Variants in COL26A1 observed in about 807,000 individuals in gnomAD.
COL26A1 encodes collagen type XXVI alpha 1 chain.
Under a neutral mutation model 59.3 loss-of-function variants are expected in COL26A1, and 41 were observed. The ratio of observed to expected loss-of-function variants is 0.69; its 90% CI spans 0.54 to 0.90. The LOEUF is 0.90. COL26A1 is among the 40% of genes least tolerant of loss of function. The pLI is 0.00. For synonymous variants in COL26A1, 266 were observed against 256.0 expected (o/e 1.04, Z -0.37); for missense variants, 612 against 602.3 (o/e 1.02, Z -0.17).
At chr7:101,541,985 G>T (rs1219010022) in intron 5 of COL26A1, among the ~76,000 whole-genome samples, 4 of 145,496 alleles carry the variant, frequency 2.7e-5, no homozygotes, top group Non-Finnish European at 3.0e-5. Context: ...TTTTTTTTTT[G>T]ACATGGAGTC....
chr7:101,377,578 T>C (rs9986785), intron 1 of COL26A1, among the ~76,000 whole-genome samples: 119,481 of 151,992 alleles, frequency 0.79, 47,327 homozygotes, highest in Admixed American at 0.83. Context: ...AGGCATGCAC[T>C]ACCATGCCTG....
At position 101,386,273 on chromosome 7, in the gene COL26A1, T is replaced by TTTTTTTTGTTTTTTTAA. The variant is rs529132854; in HGVS notation, c.158+23090_158+23091insGTTTTTTTAATTTTTTT. 5.9e-4 allele frequency among the ~76,000 whole-genome samples: 88 copies of TTTTTTTTGTTTTTTTAA among 149,006 alleles called. 1 individual carries two copies. Among genetic ancestry groups the TTTTTTTTGTTTTTTTAA allele is most frequent in the African/African-American group, 2.2e-3 (86 of 39,992 alleles). ...TCCTAGCTTGTTTTTTTTTTTTTTT[T>TTTTTTTTGTTTTTTTAA]TTTTTTTAATTTTTTGAGACAGGGT... is the stretch of plus-strand genomic sequence containing the variant. On this transcript the variant is annotated intron_variant, in intron 1 of 12. Coordinates refer to ENST00000313669, the MANE Select transcript of COL26A1 (RefSeq NM_001278563.3).
chr7:101,543,923 C>A, intron 5 of COL26A1, 75 bp from the exon 6 acceptor site: 2 of 1,106,956 alleles, frequency 1.8e-6, no homozygotes, highest in Non-Finnish European at 2.6e-6. Context: ...GCTGACAGCC[C>A]AGGGGGCCAG....
chr7:101,404,769 A>ATACGCGCCTGTGGTTCCAGC (rs1792088142), intron 1 of COL26A1, among the ~76,000 whole-genome samples: 1 of 152,126 alleles, frequency 6.6e-6, no homozygotes, highest in Non-Finnish European at 1.5e-5. Context: ...AAGTGTAATG[A>ATACGCGCCTGTGGTTCCAGC]TACGCGCCTG....
At chr7:101,455,147 ATCC>A (rs1213744016) in intron 3 of COL26A1, among the ~76,000 whole-genome samples, 1 of 149,070 alleles carries the variant, frequency 6.7e-6, no homozygotes, top group Non-Finnish European at 1.5e-5. Context: ...GGCCCAAGTG[ATCC>A]TCCCACCTCA....
At chr7:101,366,385 T>C (rs1791046074) in intron 1 of COL26A1, among the ~76,000 whole-genome samples, 1 of 150,574 alleles carries the variant, frequency 6.6e-6, no homozygotes, top group Non-Finnish European at 1.5e-5. Flanking sequence ...TTACCGGGGC[T>C]TGGCTTCAGT....
chr7:101,478,051 C>T (rs1029231670), intron 3 of COL26A1, among the ~76,000 whole-genome samples: 6 of 152,152 alleles, frequency 3.9e-5, no homozygotes, highest in African/African-American at 9.7e-5. Flanking sequence ...GGCAAGATCT[C>T]GCCTCACTGC....
chr7:101,437,537 G>A (rs1792946354), intron 2 of COL26A1, among the ~76,000 whole-genome samples: 1 of 151,956 alleles, frequency 6.6e-6, no homozygotes. Flanking sequence ...GATGGCAGAA[G>A]TCCACAAGGT....
rs765442607 is a variant in COL26A1, at chr7:101,521,838, G to A, written c.386-11244G>A. Among the ~76,000 whole-genome samples, 10 of 151,980 alleles carry A rather than the reference G, an allele frequency of 6.6e-5. No individual in the cohort carries two copies. The East Asian group carries it at 7.8e-4, about 12-fold the overall frequency. ...GAATTCCAACACCTTAGACTCTTCC[G>A]CTTGTTTCTGAACTTCAGATAAATG... is the stretch of plus-strand genomic sequence containing the variant. On this transcript the variant is annotated intron_variant, in intron 3 of 12. Coordinates refer to ENST00000313669, the MANE Select transcript of COL26A1 (RefSeq NM_001278563.3).
intron 1 of COL26A1, among the ~76,000 whole-genome samples, chr7:101,376,296 G>A (rs887420001): frequency 6.6e-6 from 1 of 152,092 alleles, no homozygotes; most frequent in African/African-American, 2.4e-5. Context: ...GACAGAGTGA[G>A]ACCCTGTCTC....
intron 3 of COL26A1, among the ~76,000 whole-genome samples, chr7:101,470,655 T>A (rs1793877174): frequency 6.6e-6 from 1 of 152,220 alleles, no homozygotes; most frequent in Admixed American, 6.5e-5. Context: ...CTCTATCTTT[T>A]CTGAGTATCC....
chr7:101,433,140 T>C (rs559984168), intron 2 of COL26A1, among the ~76,000 whole-genome samples: 5 of 152,068 alleles, frequency 3.3e-5, no homozygotes, highest in South Asian at 4.2e-4. Flanking sequence ...CTGGGCAACA[T>C]AGTGAAACCC....
At chr7:101,493,038 T>A (rs955402195) in intron 3 of COL26A1, among the ~76,000 whole-genome samples, 9 of 152,190 alleles carry the variant, frequency 5.9e-5, no homozygotes, top group African/African-American at 2.2e-4. Flanking sequence ...TTGTCAGATT[T>A]AGTCCTCAAA....
Position 101,475,908 on chromosome 7 carries a change from CTCTCTCTCTCTTTCTT to C in COL26A1, c.385+28141_385+28156del, listed in dbSNP as rs796136052. Among the ~76,000 whole-genome samples, 561 of 148,080 alleles carry C rather than the reference CTCTCTCTCTCTTTCTT, an allele frequency of 3.8e-3. 6 individuals carry two copies. The highest frequency in any genetic ancestry group is 0.012 in the African/African-American group (471 of 40,012). ...TCTCTCTTTCTTTCTCTCTCTTTCTCTCTCTCTCTCTTTCTTTCTCTCTCTCTTTCTTTCTTCTTTC... is the reference window on the plus strand; with the variant it reads ...TCTCTCTTTCTTTCTCTCTCTTTCTCTCTCTCTCTCTTTCTTTCTTCTTTC... On this transcript the variant is annotated intron_variant, in intron 3 of 12. Coordinates refer to ENST00000313669, the MANE Select transcript of COL26A1 (RefSeq NM_001278563.3).
chr7:101,479,597 G>A (rs1349353086), intron 3 of COL26A1, among the ~76,000 whole-genome samples: 1 of 152,118 alleles, frequency 6.6e-6, no homozygotes, highest in Non-Finnish European at 1.5e-5. Context: ...GTCTAGATAT[G>A]TATCAGTTTA....
chr7:101,440,987 AAAAG>A (rs1418278638), intron 2 of COL26A1, among the ~76,000 whole-genome samples: 10 of 151,038 alleles, frequency 6.6e-5, no homozygotes, highest in African/African-American at 7.3e-5. Context: ...AAAAAAAAAA[AAAAG>A]AAAGAAAGAA....
chr7:101,509,082 G>A (rs556765723), intron 3 of COL26A1, among the ~76,000 whole-genome samples: 6 of 152,150 alleles, frequency 3.9e-5, no homozygotes. Context: ...GAAGGTGAAG[G>A]GGGAGCTGAT....
Position 101,506,938 on chromosome 7 carries a change from T to C in COL26A1, c.386-26144T>C, listed in dbSNP as rs113730742. Among the ~76,000 whole-genome samples, 563 of 151,840 alleles carry C rather than the reference T, an allele frequency of 3.7e-3. 1 individual carries two copies. The highest frequency in any genetic ancestry group is 6.1e-3 in the Non-Finnish European group (416 of 67,890). On this transcript the variant is annotated intron_variant, in intron 3 of 12. Transcript: ENST00000313669. ...TCCCTAGAACCACTCCTTTTTTTTT[T>C]CCCCCTCACTCTATTGCCCAGGCTG... is the stretch of plus-strand genomic sequence containing the variant.
At chr7:101,549,331 A>G in intron 9 of COL26A1, 108 bp downstream of exon 9, 1 of 688,352 alleles carries the variant, frequency 1.5e-6, no homozygotes. Context: ...GTCACTCAGG[A>G]AGGAGCCAGT....
Sources: gnomAD v4.1 joint callset for allele counts (sites outside exome capture counted in the v4.1 genomes callset) on GRCh38, gnomAD v4.1.1 for gene constraint, MANE v1.5 for transcripts, NCBI Gene and HGNC (gene_info 2026-07-23, HGNC 2026-07-21) for gene names.